The following GLIS3 variants were observed in gnomAD, a reference collection of about 807,000 sequenced individuals.
GLIS3 encodes GLIS family zinc finger 3, also known as zinc finger protein GLIS3.
A neutral mutation model predicts 78.6 loss-of-function variants in GLIS3; 53 were observed. The ratio of observed to expected loss-of-function variants is 0.67; its 90% CI spans 0.54 to 0.85. The LOEUF is 0.85. GLIS3 is among the 40% of genes least tolerant of loss of function. GLIS3 has a pLI of 0.00. For missense variants in GLIS3, 1,703 were observed against 1,231.1 expected (o/e 1.38, Z -5.74); for synonymous variants, 684 against 509.9 (o/e 1.34, Z -4.60).
chr9:3,929,136 C>T (rs1420606302), intron 6 of GLIS3, among the ~76,000 whole-genome samples: 1 of 152,162 alleles, frequency 6.6e-6, no homozygotes, highest in Non-Finnish European at 1.5e-5. Flanking sequence ...CTGTGGAGAC[C>T]ACAGTTGGTG....
chr9:4,184,831 G>C (rs1245640894), intron 2 of GLIS3, among the ~76,000 whole-genome samples: 1 of 152,164 alleles, frequency 6.6e-6, no homozygotes, highest in Non-Finnish European at 1.5e-5. Context: ...AACTGAGGTT[G>C]TGCATCTGTC....
chr9:4,365,439 C>A, the GLIS3 span, among the ~76,000 whole-genome samples: 1 of 151,950 alleles, frequency 6.6e-6, no homozygotes, highest in Non-Finnish European at 1.5e-5. Context: ...TGCCTATAGT[C>A]CCAGCTACTC....
chr9:4,047,027 T>C (rs1825307761), intron 4 of GLIS3, among the ~76,000 whole-genome samples: 1 of 152,142 alleles, frequency 6.6e-6, no homozygotes, highest in African/African-American at 2.4e-5. Flanking sequence ...TTGGTGATAT[T>C]GTTTGGCTCT....
intron 8 of GLIS3, among the ~76,000 whole-genome samples, chr9:3,874,467 G>A (rs1030399431): frequency 1.3e-5 from 2 of 152,158 alleles, no homozygotes; most frequent in African/African-American, 4.8e-5. Flanking sequence ...CCTGAGTTCT[G>A]TGAACTGCTC....
At chr9:4,224,640 T>A (rs1013131505) in intron 2 of GLIS3, among the ~76,000 whole-genome samples, 1 of 152,096 alleles carries the variant, frequency 6.6e-6, no homozygotes, top group Admixed American at 6.5e-5. Context: ...CGAGACGCAT[T>A]TTGAGTCCTA....
intron 6 of GLIS3, among the ~76,000 whole-genome samples, chr9:3,917,045 T>C (rs1824558740): frequency 6.6e-6 from 1 of 152,124 alleles, no homozygotes; most frequent in Non-Finnish European, 1.5e-5. Flanking sequence ...TGTAGGAAGA[T>C]TAAGGGTCCC....
chr9:4,081,008 C>CA (rs1828516093), intron 4 of GLIS3, among the ~76,000 whole-genome samples: 1 of 152,190 alleles, frequency 6.6e-6, no homozygotes, highest in Non-Finnish European at 1.5e-5. Flanking sequence ...TTCTACTCCA[C>CA]AGGGCGTTTT....
intron 2 of GLIS3, among the ~76,000 whole-genome samples, chr9:4,216,479 CAA>C (rs71324289): frequency 1.3e-4 from 10 of 77,152 alleles, no homozygotes; most frequent in Non-Finnish European, 8.2e-5. Context: ...GACTCTGTCT[CAA>C]AAAAAAAAAA....
chr9:4,064,028 T>C (rs1171531150), intron 4 of GLIS3, among the ~76,000 whole-genome samples: 4 of 152,004 alleles, frequency 2.6e-5, no homozygotes, highest in Non-Finnish European at 5.9e-5. Flanking sequence ...AACTCTGAAA[T>C]GTAGAAGCTC....
chr9:3,890,703 G>A (rs1206776431), intron 7 of GLIS3, among the ~76,000 whole-genome samples: 5 of 151,984 alleles, frequency 3.3e-5, no homozygotes, highest in African/African-American at 7.3e-5. Context: ...TTAGCTCCAC[G>A]TTCTTTCTGG....
At chr9:4,264,535 A>C (rs547529282) in intron 2 of GLIS3, among the ~76,000 whole-genome samples, 1 of 152,160 alleles carries the variant, frequency 6.6e-6, no homozygotes, top group Non-Finnish European at 1.5e-5. Flanking sequence ...CTCAGTCTAT[A>C]AGAACCAAAA....
chr9:3,909,033 T>G (rs1418040774), intron 6 of GLIS3, among the ~76,000 whole-genome samples: 1 of 152,200 alleles, frequency 6.6e-6, no homozygotes, highest in Non-Finnish European at 1.5e-5. Context: ...GCCACGCATG[T>G]TTATGCATCA....
intron 2 of GLIS3, among the ~76,000 whole-genome samples, chr9:4,191,292 C>G (rs1818312292): frequency 6.6e-6 from 1 of 152,150 alleles, no homozygotes; most frequent in African/African-American, 2.4e-5. Context: ...GAGTTTTCTT[C>G]TTTCTTAGTG....
At chr9:3,865,233 G>A (rs186989487) in intron 8 of GLIS3, among the ~76,000 whole-genome samples, 2 of 152,184 alleles carry the variant, frequency 1.3e-5, no homozygotes, top group Non-Finnish European at 2.9e-5. Flanking sequence ...CTGGGTTTCT[G>A]CTCACCTCCA....
chr9:4,242,522 A>G (rs979949662), intron 2 of GLIS3, among the ~76,000 whole-genome samples: 2 of 152,142 alleles, frequency 1.3e-5, no homozygotes, highest in African/African-American at 4.8e-5. Flanking sequence ...GGGCATGACC[A>G]ATGCATACTA....
intron 2 of GLIS3, among the ~76,000 whole-genome samples, chr9:4,320,991 G>T (rs73641426): frequency 6.6e-6 from 1 of 151,832 alleles, no homozygotes; most frequent in Non-Finnish European, 1.5e-5. Context: ...TGCTTGAGAA[G>T]GCTGTAAGTC....
chr9:4,453,989 A>G, the GLIS3 span, among the ~76,000 whole-genome samples: 2 of 151,878 alleles, frequency 1.3e-5, no homozygotes, highest in Admixed American at 6.5e-5. Flanking sequence ...TAGAACTTAA[A>G]GTATAATAAA....
intron 4 of GLIS3, among the ~76,000 whole-genome samples, chr9:3,976,368 A>T (rs898521041): frequency 6.6e-6 from 1 of 152,148 alleles, no homozygotes; most frequent in African/African-American, 2.4e-5. Context: ...GTTACTGCTC[A>T]TGACATAGGA....
intron 2 of GLIS3, among the ~76,000 whole-genome samples, chr9:4,336,439 C>G (rs960444521): frequency 6.6e-6 from 1 of 152,154 alleles, no homozygotes; most frequent in Non-Finnish European, 1.5e-5. Flanking sequence ...GACCTGGATC[C>G]CTTAGGATCA....
Sources: allele counts gnomAD v4.1 joint callset (sites outside exome capture counted in the v4.1 genomes callset), GRCh38; gene constraint gnomAD v4.1.1; transcripts MANE v1.5; gene names NCBI Gene and HGNC (gene_info 2026-07-23, HGNC 2026-07-21).